The following CAMKMT variants were observed in gnomAD, a reference collection of about 807,000 sequenced individuals.
The protein encoded by CAMKMT is calmodulin-lysine N-methyltransferase.
Under a neutral mutation model 48.0 loss-of-function variants are expected in CAMKMT, and 53 were observed. The observed-to-expected ratio is 1.10, with a 90% CI of 0.89 to 1.39. The LOEUF (loss-of-function observed/expected upper bound fraction) is 1.39. Among genes scored for constraint, CAMKMT ranks in the 40% most tolerant of loss-of-function variants. CAMKMT has a pLI of 0.00. For missense variants in CAMKMT, 428 were observed against 402.7 expected (o/e 1.06, Z -0.54); for synonymous variants, 165 against 152.3 (o/e 1.08, Z -0.61).
intron 3 of CAMKMT, among the ~76,000 whole-genome samples, chr2:44,439,874 T>G (rs1666536874): frequency 6.6e-6 from 1 of 152,034 alleles, no homozygotes; most frequent in Non-Finnish European, 1.5e-5. Context: ...TGAAAACGTT[T>G]CCAGGGCTTA....
intron 3 of CAMKMT, among the ~76,000 whole-genome samples, chr2:44,499,786 A>C (rs141858452): frequency 6.6e-6 from 1 of 152,348 alleles, no homozygotes; most frequent in Non-Finnish European, 1.5e-5. Flanking sequence ...GGAGTCTCAC[A>C]TGAAAGGCTT....
intron 3 of CAMKMT, among the ~76,000 whole-genome samples, chr2:44,460,283 C>T (rs988518187): frequency 3.9e-5 from 6 of 152,006 alleles, no homozygotes; most frequent in African/African-American, 7.3e-5. Context: ...ATGTAAATAA[C>T]TTGTTTCAAA....
chr2:44,604,406 G>A (rs1032024146), intron 3 of CAMKMT, among the ~76,000 whole-genome samples: 4 of 152,168 alleles, frequency 2.6e-5, no homozygotes, highest in African/African-American at 9.6e-5. Flanking sequence ...GTGACTAGAA[G>A]GGAAACAACC....
chr2:44,748,132 C>T (rs1159359999), intron 8 of CAMKMT, among the ~76,000 whole-genome samples: 1 of 152,132 alleles, frequency 6.6e-6, no homozygotes, highest in Non-Finnish European at 1.5e-5. Flanking sequence ...ACATACTCTA[C>T]AAAGTGTTAT....
chr2:44,530,712 C>G (rs1483282900), intron 3 of CAMKMT, among the ~76,000 whole-genome samples: 1 of 152,020 alleles, frequency 6.6e-6, no homozygotes, highest in East Asian at 1.9e-4. Flanking sequence ...TGTGCCTCCA[C>G]CCTGCCCCTA....
At chr2:44,769,519 GA>G (rs1469459040) in intron 10 of CAMKMT, among the ~76,000 whole-genome samples, 1 of 152,178 alleles carries the variant, frequency 6.6e-6, no homozygotes, top group Non-Finnish European at 1.5e-5. Context: ...AAACCTTTCG[GA>G]TAGTAAGATA....
chr2:44,425,407 T>C (rs1392810055), intron 3 of CAMKMT, among the ~76,000 whole-genome samples: 1 of 152,168 alleles, frequency 6.6e-6, no homozygotes. Context: ...AAATAGCAAT[T>C]GCAAGTTATC....
intron 10 of CAMKMT, among the ~76,000 whole-genome samples, chr2:44,770,388 T>C (rs929582187): frequency 2.0e-5 from 3 of 152,266 alleles, no homozygotes; most frequent in Non-Finnish European, 2.9e-5. Flanking sequence ...GAGGTCAGCA[T>C]AGAATCCAAG....
At chr2:44,448,827 T>G (rs1302791653) in intron 3 of CAMKMT, among the ~76,000 whole-genome samples, 5 of 152,222 alleles carry the variant, frequency 3.3e-5, no homozygotes, top group Admixed American at 6.5e-5. Flanking sequence ...TAAAAATGAA[T>G]GAATTAATGA....
chr2:44,516,828 G>A (rs764581573), intron 3 of CAMKMT, among the ~76,000 whole-genome samples: 3 of 142,060 alleles, frequency 2.1e-5, no homozygotes, highest in Admixed American at 7.4e-5. Flanking sequence ...TGCAACACCC[G>A]CCTCCTGGTT....
chr2:44,565,611 C>G (rs1668567536), intron 3 of CAMKMT, among the ~76,000 whole-genome samples: 1 of 150,116 alleles, frequency 6.7e-6, no homozygotes, highest in African/African-American at 2.5e-5. Flanking sequence ...TAGTGAGCTA[C>G]AAAACAAAAC....
chr2:44,713,342 G>A (rs925337355), intron 6 of CAMKMT, among the ~76,000 whole-genome samples: 5 of 152,150 alleles, frequency 3.3e-5, no homozygotes, highest in African/African-American at 7.2e-5. Context: ...TATGGCATGC[G>A]GTTGGATGCC....
intron 3 of CAMKMT, among the ~76,000 whole-genome samples, chr2:44,637,040 A>C (rs1410131239): frequency 2.0e-5 from 3 of 152,230 alleles, no homozygotes; most frequent in Non-Finnish European, 4.4e-5. Flanking sequence ...AGGGGAAAAA[A>C]AATGGGTTAC....
intron 3 of CAMKMT, among the ~76,000 whole-genome samples, chr2:44,610,089 T>G (rs1268370153): frequency 6.6e-6 from 1 of 152,170 alleles, no homozygotes; most frequent in East Asian, 1.9e-4. Context: ...GTTTATATTA[T>G]ATACCTTGAT....
chr2:44,498,061 G>T (rs1025987654), intron 3 of CAMKMT, among the ~76,000 whole-genome samples: 1 of 152,176 alleles, frequency 6.6e-6, no homozygotes, highest in African/African-American at 2.4e-5. Flanking sequence ...TTTTGTACAA[G>T]AGTTTGATGC....
intron 3 of CAMKMT, among the ~76,000 whole-genome samples, chr2:44,617,564 G>A (rs934068273): frequency 6.6e-6 from 1 of 152,184 alleles, no homozygotes; most frequent in Non-Finnish European, 1.5e-5. Flanking sequence ...AAGATGGGAG[G>A]CTTGAATGTG....
At chr2:44,440,971 A>G (rs1052742086) in intron 3 of CAMKMT, among the ~76,000 whole-genome samples, 11 of 151,956 alleles carry the variant, frequency 7.2e-5, no homozygotes, top group African/African-American at 2.7e-4. Context: ...TAGCCTTGCC[A>G]CCCCTACTAA....
chr2:44,559,169 G>A (rs1668191735), intron 3 of CAMKMT, among the ~76,000 whole-genome samples: 1 of 152,120 alleles, frequency 6.6e-6, no homozygotes, highest in African/African-American at 2.4e-5. Context: ...GCAACTTAGT[G>A]GTGGTGCTGT....
chr2:44,584,178 T>C (rs953812148), intron 3 of CAMKMT, among the ~76,000 whole-genome samples: 4 of 152,242 alleles, frequency 2.6e-5, no homozygotes, highest in Admixed American at 6.5e-5. Flanking sequence ...TCCATGTTCT[T>C]ATGTGTATCA....
Sources: allele counts gnomAD v4.1 joint callset (sites outside exome capture counted in the v4.1 genomes callset), GRCh38; gene constraint gnomAD v4.1.1; transcripts MANE v1.5; gene names NCBI Gene and HGNC (gene_info 2026-07-23, HGNC 2026-07-21).